The following THRB variants were observed in gnomAD, a reference collection of about 807,000 sequenced individuals.
The protein encoded by THRB is nuclear receptor subfamily 1 group A member 2.
A neutral mutation model predicts 47.8 loss-of-function variants in THRB; 12 were observed. That is an observed-to-expected ratio of 0.25 (90% CI 0.16 to 0.41). THRB has a LOEUF of 0.41. THRB is among the 10% of genes least tolerant of loss of function. THRB has a pLI of 1.00. For missense variants in THRB, 348 were observed against 589.2 expected (o/e 0.59, Z 4.24); for synonymous variants, 218 against 212.2 (o/e 1.03, Z -0.24).
intron 3 of THRB, among the ~76,000 whole-genome samples, chr3:24,235,030 G>A (rs2048719915): frequency 6.6e-6 from 1 of 152,222 alleles, no homozygotes; most frequent in African/African-American, 2.4e-5. Flanking sequence ...CTGCAGTGTG[G>A]AGGAGGCCTG....
chr3:24,429,128 T>G (rs572090634), intron 1 of THRB, among the ~76,000 whole-genome samples: 9 of 151,818 alleles, frequency 5.9e-5, no homozygotes, highest in African/African-American at 2.2e-4. Flanking sequence ...AGTTACATTT[T>G]AATACATGGT....
At chr3:24,200,822 T>G (rs1014686832) in intron 4 of THRB, among the ~76,000 whole-genome samples, 2 of 152,210 alleles carry the variant, frequency 1.3e-5, no homozygotes, top group Non-Finnish European at 2.9e-5. Flanking sequence ...TAATAGCAGG[T>G]GAGGTTTTTA....
chr3:24,243,635 C>CT (rs1055202081), intron 3 of THRB, among the ~76,000 whole-genome samples: 3 of 152,098 alleles, frequency 2.0e-5, no homozygotes, highest in African/African-American at 7.2e-5. Flanking sequence ...CCCAATACCC[C>CT]TTATCTTCCT....
chr3:24,245,783 C>T (rs897056009), intron 3 of THRB, among the ~76,000 whole-genome samples: 1 of 152,062 alleles, frequency 6.6e-6, no homozygotes, highest in Non-Finnish European at 1.5e-5. Flanking sequence ...TGTGGTGGCA[C>T]GTGCCTGTAA....
intron 5 of THRB, among the ~76,000 whole-genome samples, chr3:24,168,751 C>T (rs950484093): frequency 6.6e-6 from 1 of 151,536 alleles, no homozygotes; most frequent in Non-Finnish European, 1.5e-5. Context: ...GCAATTTACC[C>T]TCCACACTTC....
chr3:24,132,431 T>A (rs748264045), intron 9 of THRB, among the ~76,000 whole-genome samples: 3 of 152,262 alleles, frequency 2.0e-5, no homozygotes, highest in Non-Finnish European at 1.5e-5. Context: ...GGAATACTTA[T>A]TATAACCCAG....
At chr3:24,268,393 T>G (rs1049204891) in intron 3 of THRB, among the ~76,000 whole-genome samples, 1 of 152,160 alleles carries the variant, frequency 6.6e-6, no homozygotes, top group African/African-American at 2.4e-5. Flanking sequence ...AGAAATGAGA[T>G]CCTTTAAAAA....
chr3:24,476,769 G>C (rs1181736053), intron 1 of THRB, among the ~76,000 whole-genome samples: 4 of 152,106 alleles, frequency 2.6e-5, no homozygotes, highest in Admixed American at 6.5e-5. Flanking sequence ...GAAATTATCT[G>C]ATAGAGTATG....
At chr3:24,342,245 G>A (rs902388670) in intron 1 of THRB, among the ~76,000 whole-genome samples, 1 of 151,800 alleles carries the variant, frequency 6.6e-6, no homozygotes, top group Non-Finnish European at 1.5e-5. Flanking sequence ...TATCAATCAG[G>A]GTTATCCAGG....
At chr3:24,383,832 G>T (rs2065883063) in intron 1 of THRB, among the ~76,000 whole-genome samples, 1 of 152,170 alleles carries the variant, frequency 6.6e-6, no homozygotes, top group South Asian at 2.1e-4. Flanking sequence ...AAGGAACAAT[G>T]TGTAGGAAAC....
chr3:24,214,031 C>T (rs544455037), intron 4 of THRB, among the ~76,000 whole-genome samples: 2 of 152,172 alleles, frequency 1.3e-5, no homozygotes, highest in Admixed American at 6.5e-5. Context: ...TCTGTTATTT[C>T]TTTTGACCCT....
chr3:24,487,661 T>G (rs2125930098), intron 1 of THRB, among the ~76,000 whole-genome samples: 1 of 152,298 alleles, frequency 6.6e-6, no homozygotes, highest in Admixed American at 6.5e-5. Flanking sequence ...CATTTCTCAC[T>G]GTGATTTAAA....
Position 24,309,276 on chromosome 3 carries a change from C to T in THRB, c.-188-11905G>A, listed in dbSNP as rs117048417. ...TCATGCACACACACACACATAACTG[C>T]AACAATAGTTTGACAAAACAACACG... On this transcript the variant is annotated intron_variant, in intron 2 of 10. Coordinates refer to ENST00000646209, the MANE Select transcript of THRB (RefSeq NM_001354712.2). Among the ~76,000 whole-genome samples the T allele has an allele frequency of 9.3e-4, 142 of 152,294 alleles. 1 individual carries two copies. The East Asian group carries it at 0.018, about 20-fold the overall frequency.
intron 3 of THRB, among the ~76,000 whole-genome samples, chr3:24,252,274 G>A (rs985708477): frequency 1.3e-5 from 2 of 151,962 alleles, no homozygotes; most frequent in East Asian, 3.9e-4. Flanking sequence ...GTGCAGTATT[G>A]GTGCATGAAA....
chr3:24,124,681 CTCT>C (rs2032378356), intron 10 of THRB, among the ~76,000 whole-genome samples: 1 of 152,098 alleles, frequency 6.6e-6, no homozygotes, highest in South Asian at 2.1e-4. Flanking sequence ...TTCATTTTTT[CTCT>C]TTGCACTGTG....
intron 1 of THRB, among the ~76,000 whole-genome samples, chr3:24,452,241 C>A (rs535201546): frequency 6.6e-6 from 1 of 152,028 alleles, no homozygotes; most frequent in Non-Finnish European, 1.5e-5. Flanking sequence ...TTGTGCATTA[C>A]TTTTGATTTT....
intron 1 of THRB, among the ~76,000 whole-genome samples, chr3:24,454,982 C>G (rs2073026868): frequency 6.6e-6 from 1 of 151,992 alleles, no homozygotes; most frequent in Admixed American, 6.6e-5. Context: ...TCTTCTTGAC[C>G]AAAGTCGCTA....
chr3:24,152,970 AAAAGAAAGAAAGAAAGAAAGAAAG>A (rs60859687), intron 5 of THRB, among the ~76,000 whole-genome samples: 1 of 120,888 alleles, frequency 8.3e-6, no homozygotes, highest in African/African-American at 3.0e-5. Flanking sequence ...CAAAAAAAAA[AAAAGAAAGAAAGAAAGAAAGAAAG>A]AAAGAAAGAA....
chr3:24,296,295 T>G (rs2056441053), intron 3 of THRB, among the ~76,000 whole-genome samples: 2 of 152,226 alleles, frequency 1.3e-5, no homozygotes, highest in South Asian at 4.1e-4. Context: ...TTGGATGGAA[T>G]AAGATCTGAC....
Sources: gnomAD v4.1 joint callset for allele counts (sites outside exome capture counted in the v4.1 genomes callset) on GRCh38, gnomAD v4.1.1 for gene constraint, MANE v1.5 for transcripts, NCBI Gene and HGNC (gene_info 2026-07-23, HGNC 2026-07-21) for gene names.